Variants in GADL1 observed in about 807,000 individuals in gnomAD.
GADL1 encodes GAD like acidic amino acid decarboxylase 1.
GADL1 carries 71 observed loss-of-function variants against 69.5 expected under a neutral mutation model. That is an observed-to-expected ratio of 1.02 (90% CI 0.84 to 1.25). The LOEUF (loss-of-function observed/expected upper bound fraction) is 1.25. Ranked by LOEUF, GADL1 falls within the 50% of genes most tolerant of loss-of-function variation. GADL1 has a pLI of 0.00. For synonymous variants in GADL1, 254 were observed against 214.4 expected (o/e 1.18, Z -1.62); for missense variants, 737 against 631.8 (o/e 1.17, Z -1.79).
In GADL1 at chr3:30,812,428, A is replaced by T. The variant is rs190108975; in HGVS notation, c.1051-11340T>A. ...CCTCATAATCATGGTGGAAGGTGAA[A>T]GGCACATTGCTCATGGCAACAGACA... On this transcript the variant is annotated intron_variant, in intron 11 of 14. Transcript: ENST00000282538. 4.3e-4 allele frequency among the ~76,000 whole-genome samples: 66 copies of T among 152,324 alleles called. 2 individuals are homozygous for T. Among genetic ancestry groups the T allele is most frequent in the Middle Eastern group, 3.4e-3 (1 of 294 alleles).
In GADL1 at chr3:30,894,611, T is replaced by A. The variant is rs1174790531; in HGVS notation, c.4A>T (p.Ser2Cys). 11 of 1,550,830 alleles carry A rather than the reference T, an allele frequency of 7.1e-6. No homozygotes were observed. Among genetic ancestry groups the A allele is most frequent in the Non-Finnish European group, 8.7e-6 (10 of 1,146,644 alleles). ...GGACACTGGCGGTCCGAGTCGCTGC[T>A]CATCTCCGCTCCCCCACTCCAGGCT... M[S>C]SDSDRQCPVD... The change falls in exon 1 of 15, where the codon AGC (serine) becomes TGC (cysteine). Residue 2 changes from serine (S) to cysteine (C), a missense_variant. Transcript: ENST00000282538.
chr3:30,881,385 C>T (rs772043652), intron 1 of GADL1, among the ~76,000 whole-genome samples: 16 of 151,850 alleles, frequency 1.1e-4, no homozygotes, highest in East Asian at 1.9e-4. Context: ...ACCTAAATTA[C>T]ACTATATGTA....
intron 14 of GADL1, among the ~76,000 whole-genome samples, chr3:30,733,089 G>T (rs922094232): frequency 2.0e-5 from 3 of 152,012 alleles, no homozygotes; most frequent in Non-Finnish European, 4.4e-5. Context: ...CTGTGGGGAA[G>T]GATCAGTTTT....
chr3:30,794,953 GAA>G (rs1277286006), intron 12 of GADL1, among the ~76,000 whole-genome samples: 6 of 152,098 alleles, frequency 3.9e-5, no homozygotes, highest in African/African-American at 1.4e-4. Flanking sequence ...ATTATCAAAG[GAA>G]AAGAGTTGCA....
intron 12 of GADL1, among the ~76,000 whole-genome samples, chr3:30,788,132 A>C (rs1696836426): frequency 6.6e-6 from 1 of 152,302 alleles, no homozygotes; most frequent in East Asian, 1.9e-4. Context: ...AAAGTTTTTA[A>C]ACCATCTATC....
rs773530741 is a variant in GADL1, at chr3:30,816,530, C to CTTTTTTTTTTTTTTTTTTT, written c.1051-15461_1051-15443dup. 4.3e-4 allele frequency among the ~76,000 whole-genome samples: 23 copies of CTTTTTTTTTTTTTTTTTTT among 53,994 alleles called. 8 individuals are homozygous for CTTTTTTTTTTTTTTTTTTT. The highest frequency in any genetic ancestry group is 7.1e-4 in the Non-Finnish European group (18 of 25,436). The allele number at this position is 53,994 out of a possible 152,430, so 35.4% of individuals were successfully genotyped here. ...AGACCATATATTCTTAATTTGTTTT[C>CTTTTTTTTTTTTTTTTTTT]TTTTTTTTTTTTTTTTTTTTTTTTT... On this transcript the variant is annotated intron_variant, in intron 11 of 14. Transcript: ENST00000282538.
At chr3:30,869,080 AAAAC>A (rs1253375703) in intron 1 of GADL1, among the ~76,000 whole-genome samples, 4 of 124,858 alleles carry the variant, frequency 3.2e-5, no homozygotes, top group Non-Finnish European at 6.6e-5. Flanking sequence ...ACAGAAGTAA[AAAAC>A]AGTCTCTGTT....
At chr3:30,806,782 A>G (rs2125509992) in intron 11 of GADL1, among the ~76,000 whole-genome samples, 1 of 152,338 alleles carries the variant, frequency 6.6e-6, no homozygotes. Context: ...ATTGAGTACA[A>G]CTGGAGCTAA....
chr3:30,791,422 C>A (rs1696912240), intron 12 of GADL1, among the ~76,000 whole-genome samples: 1 of 152,106 alleles, frequency 6.6e-6, no homozygotes, highest in South Asian at 2.1e-4. Context: ...AATTCCTAAG[C>A]CTTCCTGAGC....
At chr3:30,767,581 C>A (rs951207123) in intron 14 of GADL1, among the ~76,000 whole-genome samples, 1 of 152,070 alleles carries the variant, frequency 6.6e-6, no homozygotes, top group African/African-American at 2.4e-5. Context: ...ACTAAAATAA[C>A]TTCTACATGG....
chr3:30,774,678 G>A (rs1190241955), intron 14 of GADL1, among the ~76,000 whole-genome samples: 2 of 151,968 alleles, frequency 1.3e-5, no homozygotes, highest in Non-Finnish European at 2.9e-5. Flanking sequence ...TGTATATAAA[G>A]TCTTATGTTG....
intron 14 of GADL1, among the ~76,000 whole-genome samples, chr3:30,732,857 A>G (rs1032161525): frequency 2.0e-5 from 3 of 152,184 alleles, no homozygotes; most frequent in African/African-American, 7.2e-5. Flanking sequence ...CAGGAGTTTG[A>G]GACCAGCCTG....
At chr3:30,794,391 C>CT (rs1467970295) in intron 12 of GADL1, among the ~76,000 whole-genome samples, 2 of 152,100 alleles carry the variant, frequency 1.3e-5, no homozygotes, top group African/African-American at 2.4e-5. Context: ...TAACAAAGGC[C>CT]TAGAAGGTGC....
intron 14 of GADL1, among the ~76,000 whole-genome samples, chr3:30,762,511 T>C (rs1696162165): frequency 6.6e-6 from 1 of 152,160 alleles, no homozygotes; most frequent in South Asian, 2.1e-4. Flanking sequence ...AGTAGGTGTA[T>C]ATAATTCTGG....
intron 1 of GADL1, among the ~76,000 whole-genome samples, chr3:30,878,904 T>G (rs919230402): frequency 6.6e-6 from 1 of 151,958 alleles, no homozygotes; most frequent in African/African-American, 2.4e-5. Flanking sequence ...TGATATATAG[T>G]AAGTTAAACA....
At chr3:30,775,867 C>CA (rs1447816218) in intron 14 of GADL1, among the ~76,000 whole-genome samples, 3 of 152,134 alleles carry the variant, frequency 2.0e-5, no homozygotes, top group Non-Finnish European at 2.9e-5. Context: ...GAGGCCGAGG[C>CA]AGGTGGATCA....
intron 14 of GADL1, among the ~76,000 whole-genome samples, chr3:30,746,966 G>T (rs111974143): frequency 6.6e-6 from 1 of 152,096 alleles, no homozygotes; most frequent in African/African-American, 2.4e-5. Flanking sequence ...GTGAAACAAC[G>T]CAATTTAGGC....
intron 4 of GADL1, 130 bp from the exon 5 acceptor site, chr3:30,851,071 C>G: frequency 1.8e-6 from 1 of 570,442 alleles, no homozygotes; most frequent in Non-Finnish European, 3.1e-6. Context: ...GGAAATTTAT[C>G]CATTGAAAAT....
At chr3:30,862,194 A>G (rs952640614) in intron 1 of GADL1, among the ~76,000 whole-genome samples, 3 of 151,962 alleles carry the variant, frequency 2.0e-5, no homozygotes, top group Admixed American at 6.6e-5. Flanking sequence ...GAGAGTAAAT[A>G]TTCATTGGCA....
Sources: allele counts gnomAD v4.1 joint callset (sites outside exome capture counted in the v4.1 genomes callset), GRCh38; gene constraint gnomAD v4.1.1; transcripts MANE v1.5; gene names NCBI Gene and HGNC (gene_info 2026-07-23, HGNC 2026-07-21).